The following TRPC4 variants were observed in gnomAD, a reference collection of about 807,000 sequenced individuals.
TRPC4 encodes the protein short transient receptor potential channel 4.
TRPC4 carries 49 observed loss-of-function variants against 99.4 expected under a neutral mutation model. The observed-to-expected ratio is 0.49, with a 90% CI of 0.39 to 0.63. TRPC4 has a LOEUF of 0.63. TRPC4 is among the 20% of genes least tolerant of loss of function. TRPC4 has a pLI of 0.00. For missense variants in TRPC4, 898 were observed against 1,152.9 expected (o/e 0.78, Z 3.20); for synonymous variants, 454 against 425.9 (o/e 1.07, Z -0.81).
chr13:37,783,463 C>G (rs9594231), intron 1 of TRPC4, 103 bp from the exon 2 acceptor site: 26 of 838,302 alleles, frequency 3.1e-5, no homozygotes, highest in Non-Finnish European at 4.2e-5. Context: ...AACAACAATA[C>G]CATTATTAGT....
intron 6 of TRPC4, among the ~76,000 whole-genome samples, chr13:37,662,077 G>C (rs1355170839): frequency 6.6e-6 from 1 of 152,072 alleles, no homozygotes. Context: ...GGGAGGCTGT[G>C]GTGGGTAGAT....
chr13:37,863,170 C>A (rs1447525298), intron 1 of TRPC4, among the ~76,000 whole-genome samples: 1 of 151,592 alleles, frequency 6.6e-6, no homozygotes, highest in South Asian at 2.1e-4. Flanking sequence ...TGATGCCTTT[C>A]TCAGGACGTA....
chr13:37,677,183 A>G (rs1207598472), intron 4 of TRPC4, among the ~76,000 whole-genome samples: 3 of 152,056 alleles, frequency 2.0e-5, no homozygotes, highest in East Asian at 1.9e-4. Flanking sequence ...TATTGTAAAT[A>G]CTATGGCATC....
chr13:37,735,002 C>G, intron 3 of TRPC4, among the ~76,000 whole-genome samples: 1 of 152,178 alleles, frequency 6.6e-6, no homozygotes, highest in East Asian at 1.9e-4. Flanking sequence ...GCTATGTGAT[C>G]GCTTTCCCTG....
At chr13:37,642,506 C>A (rs1951745837) in intron 8 of TRPC4, among the ~76,000 whole-genome samples, 1 of 152,050 alleles carries the variant, frequency 6.6e-6, no homozygotes, top group Admixed American at 6.5e-5. Context: ...TTGTCTCTGG[C>A]TGAGCTCAGG....
chr13:37,799,664 T>C (rs1957350698), intron 1 of TRPC4, among the ~76,000 whole-genome samples: 1 of 131,086 alleles, frequency 7.6e-6, no homozygotes, highest in Non-Finnish European at 1.7e-5. Context: ...AAATACTATT[T>C]TATTTTAAAA....
chr13:37,670,438 G>A (rs1230414542), intron 5 of TRPC4, among the ~76,000 whole-genome samples: 1 of 152,128 alleles, frequency 6.6e-6, no homozygotes, highest in African/African-American at 2.4e-5. Flanking sequence ...TCAGATAGGA[G>A]GTAGAACCTA....
At chr13:37,677,420 G>T (rs1205610008) in intron 4 of TRPC4, among the ~76,000 whole-genome samples, 1 of 151,638 alleles carries the variant, frequency 6.6e-6, no homozygotes, top group Non-Finnish European at 1.5e-5. Context: ...AAAAGTACAG[G>T]CATAACTCTA....
chr13:37,755,433 T>TG (rs1280701924), intron 2 of TRPC4, among the ~76,000 whole-genome samples: 1 of 149,544 alleles, frequency 6.7e-6, no homozygotes, highest in Non-Finnish European at 1.5e-5. Context: ...ATTTTTTTAT[T>TG]TTTTATTTTT....
intron 4 of TRPC4, among the ~76,000 whole-genome samples, chr13:37,676,090 C>CA (rs1344781576): frequency 6.6e-6 from 1 of 152,138 alleles, no homozygotes; most frequent in East Asian, 1.9e-4. Flanking sequence ...AGAGAAGAGG[C>CA]ATGTACACTT....
At chr13:37,804,516 G>T (rs981629349) in intron 1 of TRPC4, among the ~76,000 whole-genome samples, 5 of 152,040 alleles carry the variant, frequency 3.3e-5, no homozygotes, top group Non-Finnish European at 7.4e-5. Flanking sequence ...ATAAAGAGGT[G>T]TTACTTTTAT....
intron 3 of TRPC4, among the ~76,000 whole-genome samples, chr13:37,710,525 G>A (rs1189389404): frequency 1.3e-5 from 2 of 151,846 alleles, no homozygotes; most frequent in African/African-American, 4.8e-5. Context: ...TTCAGCTATG[G>A]TTGAATGCAT....
At chr13:37,785,123 G>A in intron 1 of TRPC4, among the ~76,000 whole-genome samples, 1 of 152,050 alleles carries the variant, frequency 6.6e-6, no homozygotes, top group East Asian at 1.9e-4. Flanking sequence ...ATATCAAGGA[G>A]AATTTAATAT....
At chr13:37,784,694 TATA>T (rs1192364941) in intron 1 of TRPC4, among the ~76,000 whole-genome samples, 13 of 152,062 alleles carry the variant, frequency 8.5e-5, no homozygotes, top group Admixed American at 8.5e-4. Flanking sequence ...ATTTGATTTG[TATA>T]ATGTTTTAAC....
intron 5 of TRPC4, among the ~76,000 whole-genome samples, chr13:37,668,459 A>T (rs1352118746): frequency 6.6e-6 from 1 of 152,202 alleles, no homozygotes; most frequent in Non-Finnish European, 1.5e-5. Context: ...ATTAAAAAAC[A>T]AAGTGGTTAG....
intron 5 of TRPC4, among the ~76,000 whole-genome samples, chr13:37,668,156 T>A (rs2138722936): frequency 6.6e-6 from 1 of 152,322 alleles, no homozygotes; most frequent in Non-Finnish European, 1.5e-5. Flanking sequence ...TAAACACACA[T>A]AGGTTTTCTA....
At chr13:37,813,966 T>A (rs560085731) in intron 1 of TRPC4, among the ~76,000 whole-genome samples, 4 of 151,844 alleles carry the variant, frequency 2.6e-5, no homozygotes, top group African/African-American at 7.2e-5. Context: ...TCCAGCAGTA[T>A]TAAAAAATGA....
intron 1 of TRPC4, among the ~76,000 whole-genome samples, chr13:37,825,870 G>T (rs912206700): frequency 6.6e-6 from 1 of 150,832 alleles, no homozygotes. Flanking sequence ...GTTGACAGTG[G>T]GGTGTTAAAG....
rs1956882331 is a variant in TRPC4, at chr13:37,783,079, G to A, written c.255C>T (p.Leu85=). Residue 85 remains leucine, a synonymous_variant, in exon 2 of 11, where the codon CTC becomes CTT. Transcript: ENST00000379705. The part of the protein sequence containing the change: ...LIAIENENLE[L]IELLLSFNVY... ...CATTAAAGCTTAAGAGTAGTTCGAT[G>A]AGCTCCAAGTTCTCATTTTCAATTG... 8.7e-6 allele frequency: 14 copies of A among 1,613,286 alleles called. No individual in the cohort carries two copies. Among genetic ancestry groups the A allele is most frequent in the Non-Finnish European group, 1.1e-5 (13 of 1,179,744 alleles).
Sources: allele counts gnomAD v4.1 joint callset (sites outside exome capture counted in the v4.1 genomes callset), GRCh38; gene constraint gnomAD v4.1.1; transcripts MANE v1.5; gene names NCBI Gene and HGNC (gene_info 2026-07-23, HGNC 2026-07-21).